TUSC3: variants seen among roughly 807,000 people sequenced by gnomAD.
TUSC3 encodes the protein dolichyl-diphosphooligosaccharide--protein glycosyltransferase subunit TUSC3.
TUSC3 carries 45 observed loss-of-function variants against 44.8 expected under a neutral mutation model. The ratio of observed to expected loss-of-function variants is 1.00; its 90% CI spans 0.79 to 1.29. The LOEUF is 1.29. TUSC3 is among the 50% of genes most tolerant of loss of function. The pLI is 0.00. For synonymous variants in TUSC3, 212 were observed against 152.9 expected, an observed-to-expected ratio of 1.39 and a Z score of -2.85; for missense variants, 519 against 437.9, an observed-to-expected ratio of 1.19 and a Z score of -1.65.
At chr8:15,656,415 C>A (rs1387320595) in intron 3 of TUSC3, among the ~76,000 whole-genome samples, 1 of 152,092 alleles carries the variant, frequency 6.6e-6, no homozygotes, top group East Asian at 1.9e-4. Flanking sequence ...CATTCCCTTC[C>A]AAAAGGGAGA....
chr8:15,648,121 A>T (rs1806711698), intron 2 of TUSC3, among the ~76,000 whole-genome samples: 1 of 152,066 alleles, frequency 6.6e-6, no homozygotes, highest in African/African-American at 2.4e-5. Context: ...TTGAAAAAGG[A>T]CTTACTGGAC....
intron 6 of TUSC3, among the ~76,000 whole-genome samples, chr8:15,682,774 G>A (rs1162773616): frequency 8.6e-5 from 13 of 150,870 alleles, no homozygotes; most frequent in African/African-American, 2.4e-4. Flanking sequence ...TTCTGTGGTG[G>A]CAGCTGTTGT....
chr8:15,672,444 A>G (rs1300316615), intron 5 of TUSC3, among the ~76,000 whole-genome samples: 1 of 151,998 alleles, frequency 6.6e-6, no homozygotes, highest in African/African-American at 2.4e-5. Context: ...GATTGCTACC[A>G]ATATTATCCT....
the TUSC3 span, among the ~76,000 whole-genome samples, chr8:15,840,875 A>C: frequency 9.9e-5 from 15 of 152,184 alleles, no homozygotes; most frequent in African/African-American, 3.6e-4. Flanking sequence ...AACAAGAAGT[A>C]AAGTCAGTAA....
Position 15,471,233 on chromosome 8 carries a change from T to C in TUSC3, n.92-12153T>C, listed in dbSNP as rs553222939. 3.9e-3 allele frequency among the ~76,000 whole-genome samples: 600 copies of C among 152,310 alleles called. 2 individuals are homozygous for C. The highest frequency in any genetic ancestry group is 6.9e-3 in the Non-Finnish European group (470 of 68,028). ...GATTTATCTTTCTTAAATGTCTGTA[T>C]AGCTCATGTTTATTTCAGTGTTTAG... On this transcript the variant is annotated intron_variant and non_coding_transcript_variant, in intron 1 of 5. Transcript: ENST00000503191.
At chr8:15,790,179 CTTTTTTTTTTTT>C in the TUSC3 span, among the ~76,000 whole-genome samples, 4 of 72,254 alleles carry the variant, frequency 5.5e-5, no homozygotes, top group South Asian at 6.3e-4. Context: ...TTGTTAAGGC[CTTTTTTTTTTTT>C]TTTTTTTTTT....
At chr8:15,489,223 G>C (rs966743820) in intron 2 of TUSC3, among the ~76,000 whole-genome samples, 9 of 152,218 alleles carry the variant, frequency 5.9e-5, no homozygotes, top group African/African-American at 2.2e-4. Context: ...AGGACAACTT[G>C]AAGTAGGGGT....
At chr8:15,475,498 CAA>C (rs1800562590) in intron 1 of TUSC3, among the ~76,000 whole-genome samples, 2 of 152,178 alleles carry the variant, frequency 1.3e-5, no homozygotes, top group South Asian at 4.1e-4. Context: ...GCCAAATTTC[CAA>C]AGAGATTTTT....
chr8:15,746,257 C>CCAGAAACG (rs1811410646), intron 8 of TUSC3, among the ~76,000 whole-genome samples: 1 of 152,044 alleles, frequency 6.6e-6, no homozygotes, highest in Non-Finnish European at 1.5e-5. Context: ...CCGTTTTCAA[C>CCAGAAACG]TCCTCTCTTG....
At chr8:15,757,675 C>T in intron 9 of TUSC3, 116 bp from the exon 10 acceptor site, 3 of 1,324,016 alleles carry the variant, frequency 2.3e-6, no homozygotes, top group Admixed American at 3.4e-5. Flanking sequence ...TATCCCCTGT[C>T]TTATCTAGAT....
chr8:15,511,795 T>C (rs552473385), intron 2 of TUSC3, among the ~76,000 whole-genome samples: 43 of 151,940 alleles, frequency 2.8e-4, no homozygotes, highest in Middle Eastern at 6.8e-3. Context: ...TGATTGAACC[T>C]GGGAGGCGAA....
chr8:15,838,411 C>G, the TUSC3 span, among the ~76,000 whole-genome samples: 3 of 152,118 alleles, frequency 2.0e-5, no homozygotes, highest in African/African-American at 7.2e-5. Flanking sequence ...AGCTCAGTTT[C>G]CAGATTCAAC....
chr8:15,585,461 A>C (rs1040841464), intron 1 of TUSC3, among the ~76,000 whole-genome samples: 1 of 152,194 alleles, frequency 6.6e-6, no homozygotes, highest in African/African-American at 2.4e-5. Context: ...AAAGATAAAA[A>C]GCTGTCTGCT....
the TUSC3 span, among the ~76,000 whole-genome samples, chr8:15,833,784 CGTT>C: frequency 6.6e-6 from 1 of 151,884 alleles, no homozygotes; most frequent in East Asian, 1.9e-4. Context: ...CAACAAACCC[CGTT>C]GTTACAAGTT....
At chr8:15,684,708 C>T (rs1280697821) in intron 6 of TUSC3, among the ~76,000 whole-genome samples, 1 of 152,154 alleles carries the variant, frequency 6.6e-6, no homozygotes, top group Non-Finnish European at 1.5e-5. Context: ...GGGCTGCTTC[C>T]CCACTCAAGC....
the TUSC3 span, among the ~76,000 whole-genome samples, chr8:15,822,875 G>C: frequency 1.3e-5 from 2 of 152,090 alleles, no homozygotes; most frequent in East Asian, 1.9e-4. Flanking sequence ...AGTTTTGTTG[G>C]AGATTTGGGG....
chr8:15,699,728 G>C (rs1177827268), intron 6 of TUSC3, among the ~76,000 whole-genome samples: 1 of 152,136 alleles, frequency 6.6e-6, no homozygotes, highest in East Asian at 1.9e-4. Flanking sequence ...GTTAGATTTA[G>C]TGCCCTTTAC....
chr8:15,789,619 T>C, the TUSC3 span, among the ~76,000 whole-genome samples: 1 of 151,822 alleles, frequency 6.6e-6, no homozygotes, highest in Non-Finnish European at 1.5e-5. Context: ...GTGTCAATTA[T>C]ATATTTGTGT....
intron 5 of TUSC3, among the ~76,000 whole-genome samples, chr8:15,672,461 A>G (rs988187266): frequency 1.3e-5 from 2 of 152,050 alleles, no homozygotes; most frequent in East Asian, 1.9e-4. Context: ...TCCTCATGCT[A>G]TAGATAGGAA....
Sources: gnomAD v4.1 joint callset for allele counts (sites outside exome capture counted in the v4.1 genomes callset) on GRCh38, gnomAD v4.1.1 for gene constraint, MANE v1.5 for transcripts, NCBI Gene and HGNC (gene_info 2026-07-23, HGNC 2026-07-21) for gene names.